PTCH2: variants seen among roughly 807,000 people sequenced by gnomAD.
The protein encoded by PTCH2 is protein patched homolog 2.
A neutral mutation model predicts 117.9 loss-of-function variants in PTCH2; 96 were observed. The observed-to-expected ratio is 0.81, with a 90% CI of 0.69 to 0.96. The LOEUF (loss-of-function observed/expected upper bound fraction) is 0.96, where lower values mean the gene tolerates loss of function less well. Among genes scored for constraint, PTCH2 ranks in the 50% least tolerant of loss-of-function variants. The pLI is 0.00. For missense variants in PTCH2, 1,379 were observed against 1,562.5 expected (o/e 0.88, Z 1.98); for synonymous variants, 615 against 660.9 (o/e 0.93, Z 1.06).
downstream of PTCH2, chr1:44,820,726 G>A: frequency 1.4e-6 from 1 of 718,088 alleles, no homozygotes; most frequent in Non-Finnish European, 2.6e-6. Context: ...AAGATGAGGA[G>A]GCTTAGTGAG....
chr1:44,840,031 T>G (rs374756446), intron 2 of PTCH2, among the ~76,000 whole-genome samples: 1 of 151,584 alleles, frequency 6.6e-6, no homozygotes, highest in East Asian at 1.9e-4. Context: ...AAAAACAGAC[T>G]GGAGTTTGAC....
At chr1:44,840,721 A>C (rs776426482) in intron 2 of PTCH2, among the ~76,000 whole-genome samples, 49 of 151,860 alleles carry the variant, frequency 3.2e-4, no homozygotes, top group African/African-American at 1.0e-3. Flanking sequence ...TCAAAAAAAA[A>C]ACAAAAAACC....
In PTCH2 at chr1:44,828,562, C is replaced by A. The variant is rs200584842; in HGVS notation, c.1534G>T (p.Ala512Ser). Residue 512 changes from alanine (A) to serine (S), a missense_variant, in exon 12 of 22, where the codon GCC becomes TCC. Coordinates refer to ENST00000372192, the MANE Select transcript of PTCH2 (RefSeq NM_003738.5). Reference protein sequence around the residue: ...VVLTSINNMAAFLMAALVPIP... With the variant: ...VVLTSINNMASFLMAALVPIP... ...GGAACGAGGGCAGCCATGAGGAAGG[C>A]GGCCATGTTGTTGATGGATGTGAGT... 6.2e-7 allele frequency: 1 copy of A among 1,614,002 alleles called. No individual in the cohort carries two copies. Among genetic ancestry groups the A allele is most frequent in the Non-Finnish European group, 8.5e-7 (1 of 1,179,944 alleles).
intron 19 of PTCH2, among the ~76,000 whole-genome samples, chr1:44,825,984 A>C (rs967566429): frequency 6.6e-6 from 1 of 151,400 alleles, no homozygotes; most frequent in East Asian, 1.9e-4. Flanking sequence ...AGCTGGGATT[A>C]CTGGCATGTG....
At chr1:44,842,443 C>A (rs1653995713) in intron 1 of PTCH2, among the ~76,000 whole-genome samples, 1 of 151,954 alleles carries the variant, frequency 6.6e-6, no homozygotes, top group South Asian at 2.1e-4. Context: ...CCACGCCCTG[C>A]TAATTTTTTA....
At position 44,826,571 on chromosome 1, in the gene PTCH2, G is replaced by A; in HGVS notation, c.2893C>T (p.Leu965=). 1.9e-6 allele frequency: 3 copies of A among 1,613,496 alleles called. No individual in the cohort carries two copies. The highest frequency in any genetic ancestry group is 2.5e-6 in the Non-Finnish European group (3 of 1,180,026). ...ACCAGCAGGATGCAGACGGCCAGCAGGAAGCAGCGCCGCAGGCCCAGATAC... is the reference window on the plus strand; with the variant it reads ...ACCAGCAGGATGCAGACGGCCAGCAAGAAGCAGCGCCGCAGGCCCAGATAC... ...EQYLGLRRCF[L]LAVCILLVCT... is the part of the protein sequence containing the mutation. The change falls in exon 18 of 22, where the codon CTG becomes TTG. Residue 965 remains leucine, a synonymous_variant. Coordinates refer to ENST00000372192, the MANE Select transcript of PTCH2 (RefSeq NM_003738.5). The surrounding 1 kb of genome is among the most constrained non-coding windows in gnomAD (Gnocchi z 5.1).
chr1:44,828,625 T>C lies in PTCH2; in HGVS notation c.1471A>G (p.Met491Val). Residue 491 changes from methionine (M) to valine (V), a missense_variant, in exon 12 of 22, where the codon ATG (methionine) becomes GTG (valine). Met to Val is a conservative substitution (Grantham distance 21). Transcript: ENST00000372192. ...CCCGTGCGCTGCAGACACTCGCCCA[T>C]GCGCTCCTGCCAGGACAGAGTGGGG... ...ALPGTPLQER[M>V]GECLQRTGTS... The C allele has an allele frequency of 1.2e-5, 19 of 1,612,450 alleles. No homozygotes were observed. Among genetic ancestry groups the C allele is most frequent in the Non-Finnish European group, 1.6e-5 (19 of 1,179,428 alleles).
intron 6 of PTCH2, 127 bp from the exon 7 acceptor site, chr1:44,830,157 C>T: frequency 7.5e-7 from 1 of 1,325,000 alleles, no homozygotes; most frequent in South Asian, 1.4e-5. Flanking sequence ...GGTAACTATT[C>T]TGAGCCTCTT....
rs577206258 is a variant in PTCH2 at position 44,823,660 on chromosome 1, C to T, written c.3115-275G>A. On this transcript the variant is annotated intron_variant, in intron 19 of 21. Coordinates refer to ENST00000372192, the MANE Select transcript of PTCH2 (RefSeq NM_003738.5). The surrounding 1 kb of genome is among the most constrained non-coding windows in gnomAD (Gnocchi z 5.1). ...CCCTGTCTCTTAAAACAAACAAGCC[C>T]GGGCACGGTGGCTCATGCCTGTAAT... Among the ~76,000 whole-genome samples, 33 of 150,926 alleles carry T rather than the reference C, an allele frequency of 2.2e-4. No homozygotes were observed. In the East Asian group the frequency reaches 3.8e-3, roughly 17 times the overall value.
At chr1:44,828,733 C>G in intron 11 of PTCH2, 102 bp from the exon 12 acceptor site, 2 of 1,487,594 alleles carry the variant, frequency 1.3e-6, no homozygotes, top group South Asian at 1.2e-5. Context: ...AGAGGTGGGG[C>G]AGTCATAACA....
At chr1:44,839,655 C>G (rs1335927718) in intron 2 of PTCH2, among the ~76,000 whole-genome samples, 1 of 152,012 alleles carries the variant, frequency 6.6e-6, no homozygotes. Flanking sequence ...TCTGTTGGGG[C>G]AGGAAATCCA....
rs2148874320 is a variant in PTCH2 at position 44,826,751 on chromosome 1, A to G, written c.2713T>C (p.Leu905=). The G allele has an allele frequency of 6.3e-7, 1 of 1,595,564 alleles. No homozygotes were observed. The highest frequency in any genetic ancestry group is 8.6e-7 in the Non-Finnish European group (1 of 1,168,918). ...AGGAAGGGGAACTGGGCAAACTCCA[A>G]GGGCTGAGCTGGCGGGACTGTGGAG... ...ENLRIPPAQP[L]EFAQFPFLLR... is the part of the protein sequence containing the mutation. Residue 905 remains leucine (L), a synonymous_variant, in exon 18 of 22, where the codon TTG becomes CTG. Coordinates refer to ENST00000372192, the MANE Select transcript of PTCH2 (RefSeq NM_003738.5). The surrounding 1 kb of genome is among the most constrained non-coding windows in gnomAD (Gnocchi z 5.1).
downstream of PTCH2, chr1:44,820,255 TG>T (rs569986267): frequency 1.2e-5 from 5 of 408,742 alleles, no homozygotes; most frequent in South Asian, 8.4e-5. Context: ...GGGGAAGCCA[TG>T]GGTCACTGAT....
At chr1:44,822,749 A>G in intron 21 of PTCH2, 80 bp from the exon 22 acceptor site, 1 of 1,454,210 alleles carries the variant, frequency 6.9e-7, no homozygotes. Context: ...GGGGATTACC[A>G]TGACTGTTGG....
At position 44,843,161 on chromosome 1, in the gene PTCH2, C is replaced by T. The variant is rs552825008; in HGVS notation, c.-229G>A. 1.6e-6 allele frequency: 2 copies of T among 1,267,090 alleles called. No homozygotes were observed. The highest frequency in any genetic ancestry group is 2.5e-5 in the South Asian group (1 of 39,280). The allele number at this position is 1,267,090 out of a possible 1,614,324, so 78.5% of individuals were successfully genotyped here. On this transcript the variant is annotated 5_prime_UTR_variant, in exon 1 of 22. Transcript: ENST00000372192. Reference sequence around the variant, plus strand: ...CGCCGGGATTCACCCGCTCCGTGGGCCGTGGGCCGCGGCGGCTGGAGGAGG... The same window carrying T: ...CGCCGGGATTCACCCGCTCCGTGGGTCGTGGGCCGCGGCGGCTGGAGGAGG...
At position 44,829,480 on chromosome 1, in the gene PTCH2, G is replaced by A. The variant is rs376657988; in HGVS notation, c.1137C>T (p.Ser379=). The change falls in exon 9 of 22, where the codon TCC becomes TCT. Residue 379 remains serine (S), a synonymous_variant. Coordinates refer to ENST00000372192, the MANE Select transcript of PTCH2 (RefSeq NM_003738.5). The part of the protein sequence containing the change: ...ENASQQIHAF[S]STTLDDILHA... ...GCAGGATGTCATCCAGGGTGGTGGA[G>A]GAGAAGGCATGGATCTGCTGGGAAG... 6.2e-7 allele frequency: 1 copy of A among 1,614,246 alleles called. No individual in the cohort carries two copies. The highest frequency in any genetic ancestry group is 1.3e-5 in the African/African-American group (1 of 75,068).
intron 19 of PTCH2, among the ~76,000 whole-genome samples, chr1:44,824,580 C>T (rs910030819): frequency 1.3e-5 from 2 of 151,532 alleles, no homozygotes; most frequent in African/African-American, 4.9e-5. Context: ...TCACTGCAGC[C>T]TCAAACTCTG....
Position 44,841,915 on chromosome 1 carries a change from A to G in PTCH2, c.197T>C (p.Phe66Ser). Residue 66 changes from phenylalanine to serine, a missense_variant, in exon 2 of 22, where the codon TTT (phenylalanine) becomes TCT (serine). By Grantham distance (155) the Phe-to-Ser change is radical. Transcript: ENST00000372192. The stretch of plus-strand genomic sequence containing the variant: ...GCGGAGACCTAATGCCAGGGCCCCA[A>G]AGGCCAACAGTCCCAGAAAGAGCAC... ...GKVLFLGLLA[F>S]GALALGLRMA... is the part of the protein sequence containing the mutation. 6.2e-7 allele frequency: 1 copy of G among 1,614,220 alleles called. No individual in the cohort carries two copies. The highest frequency in any genetic ancestry group is 8.5e-7 in the Non-Finnish European group (1 of 1,180,028).
intron 2 of PTCH2, among the ~76,000 whole-genome samples, chr1:44,837,507 G>A (rs1653739698): frequency 6.6e-6 from 1 of 152,094 alleles, no homozygotes; most frequent in African/African-American, 2.4e-5. Context: ...ACCCCACCCT[G>A]GACTCCCAAA....
Sources: gnomAD v4.1 joint callset for allele counts (sites outside exome capture counted in the v4.1 genomes callset) on GRCh38, gnomAD v4.1.1 for gene constraint, Gnocchi (gnomAD v3.1) non-coding constraint, MANE v1.5 for transcripts, NCBI Gene and HGNC (gene_info 2026-07-23, HGNC 2026-07-21) for gene names.